Variants in SDS observed in about 807,000 individuals in gnomAD.
SDS encodes serine dehydratase, also known as L-serine dehydratase/L-threonine deaminase.
In SDS, 19 loss-of-function variants were observed where a neutral mutation model predicts 29.3. The observed-to-expected ratio is 0.65, with a 90% CI of 0.45 to 0.95. The LOEUF (loss-of-function observed/expected upper bound fraction) is 0.95, where lower values mean the gene tolerates loss of function less well. SDS is among the 40% of genes least tolerant of loss of function. The pLI, the probability that SDS is intolerant of heterozygous loss-of-function variation, is 0.00. For missense variants in SDS, 375 were observed against 439.9 expected, an observed-to-expected ratio of 0.85 and a Z score of 1.32; for synonymous variants, 176 against 189.0, an observed-to-expected ratio of 0.93 and a Z score of 0.56.
chr12:113,399,289 G>A, intron 2 of SDS, 138 bp from the exon 3 acceptor site: 1 of 973,362 alleles, frequency 1.0e-6, no homozygotes, highest in Non-Finnish European at 1.6e-6. Flanking sequence ...ACCCTTGTCT[G>A]AGACTGCACC....
chr12:113,402,415 C>T (rs1229267035), intron 1 of SDS, among the ~76,000 whole-genome samples: 1 of 152,144 alleles, frequency 6.6e-6, no homozygotes, highest in Non-Finnish European at 1.5e-5. Flanking sequence ...GCCTCAGCCT[C>T]CCAAGTAGCT....
Position 113,399,715 on chromosome 12 carries a change from G to A in SDS, c.-2-5C>T, listed in dbSNP as rs1159147882. The A allele has an allele frequency of 2.6e-6, 4 of 1,563,630 alleles. No individual in the cohort carries two copies. In the African/African-American group the frequency reaches 5.4e-5, roughly 21 times the overall value. On this transcript the variant is annotated splice_polypyrimidine_tract_variant and splice_region_variant and intron_variant, in intron 1 of 7. Coordinates refer to ENST00000257549, the MANE Select transcript of SDS (RefSeq NM_006843.3). ...GGGGTTCTCCAGACATCATTCCTGG[G>A]AGAAAGGAAGGAAACCCAGAGGGTT...
chr12:113,396,423 CT>C (rs1957644738), intron 6 of SDS, among the ~76,000 whole-genome samples: 1 of 144,790 alleles, frequency 6.9e-6, no homozygotes, highest in African/African-American at 2.6e-5. Context: ...CTTTCTTTCT[CT>C]CTTTCTTTCT....
chr12:113,398,043 G>T, intron 5 of SDS, among the ~76,000 whole-genome samples: 1 of 151,586 alleles, frequency 6.6e-6, no homozygotes. Context: ...CTGCACCTGG[G>T]TGTAACGTGT....
chr12:113,399,702 A>G lies in SDS; in HGVS notation c.7T>C (p.Ser3Pro), dbSNP rs1410267592. 6.3e-7 allele frequency: 1 copy of G among 1,580,924 alleles called. No homozygotes were observed. The highest frequency in any genetic ancestry group is 8.6e-7 in the Non-Finnish European group (1 of 1,164,668). The part of the protein sequence containing the change: MM[S>P]GEPLHVKTPI... ...GTCTTCACGTGCAGGGGTTCTCCAG[A>G]CATCATTCCTGGGAGAAAGGAAGGA... The change falls in exon 2 of 8, where the codon TCT becomes CCT. Residue 3 changes from serine to proline, a missense_variant. Coordinates refer to ENST00000257549, the MANE Select transcript of SDS (RefSeq NM_006843.3).
At chr12:113,396,544 C>CCCTTTCTTCCTT (rs1957647088) in intron 6 of SDS, 1 of 25,776 alleles carries the variant, frequency 3.9e-5, no homozygotes, top group Non-Finnish European at 6.6e-5. Context: ...CTCCCTCTCT[C>CCCTTTCTTCCTT]CCTTCCTTCC....
chr12:113,397,318 A>G lies in SDS; in HGVS notation c.500T>C (p.Val167Ala). ...WEKPGAIALS[V>A]GGGGLLCGVV... ...TCCACACAGCAGGCCCCCGCCGCCC[A>G]CTGACAGCGCGATGGCCCCCGGCTT... The change falls in exon 6 of 8, where the codon GTG (valine) becomes GCG (alanine). Residue 167 changes from valine to alanine, a missense_variant. Coordinates refer to ENST00000257549, the MANE Select transcript of SDS (RefSeq NM_006843.3). The G allele has an allele frequency of 6.2e-7, 1 of 1,613,996 alleles. No individual in the cohort carries two copies. Among genetic ancestry groups the G allele is most frequent in the Non-Finnish European group, 8.5e-7 (1 of 1,179,946 alleles).
In SDS at chr12:113,392,659, C is replaced by T. The variant is rs964846391; in HGVS notation, c.*282G>A. ...GTGATTCAGGTCTCTCCTGTCCACC[C>T]TGCTCTGGGTACCTGGTGTGTTACT... On this transcript the variant is annotated 3_prime_UTR_variant, in exon 8 of 8. Coordinates refer to ENST00000257549, the MANE Select transcript of SDS (RefSeq NM_006843.3). 7.1e-6 allele frequency: 3 copies of T among 423,664 alleles called. No homozygotes were observed. The highest frequency in any genetic ancestry group is 4.3e-5 in the Admixed American group (1 of 23,110). 26.2% of individuals were successfully genotyped at this position (423,664 alleles called of 1,614,324 possible).
At chr12:113,399,216 C>A in intron 2 of SDS, 65 bp from the exon 3 acceptor site, 2 of 1,536,070 alleles carry the variant, frequency 1.3e-6, no homozygotes, top group Non-Finnish European at 1.8e-6. Flanking sequence ...TCTTCCTCCC[C>A]ACCTGGAATA....
At chr12:113,399,245 G>A in intron 2 of SDS, 94 bp from the exon 3 acceptor site, 1 of 1,325,488 alleles carries the variant, frequency 7.5e-7, no homozygotes, top group African/African-American at 1.4e-5. Context: ...GATTCCAGTG[G>A]ACACGGACGT....
intron 5 of SDS, 148 bp from the exon 6 acceptor site, chr12:113,397,540 T>C (rs1056053996): frequency 1.5e-6 from 1 of 670,722 alleles, no homozygotes; most frequent in Non-Finnish European, 2.5e-6. Flanking sequence ...CCAGCATCTG[T>C]GTCTCTGCCT....
intron 6 of SDS, among the ~76,000 whole-genome samples, chr12:113,395,246 T>A (rs1957637545): frequency 6.6e-6 from 1 of 152,060 alleles, no homozygotes; most frequent in South Asian, 2.1e-4. Context: ...AGCTGCCCCC[T>A]CTCCCTTCCC....
Position 113,402,871 on chromosome 12 carries a change from G to A in SDS, c.-3+897C>T, listed in dbSNP as rs761394210. On this transcript the variant is annotated intron_variant, in intron 1 of 7. Transcript: ENST00000257549. ...GACTTCAGAAGAGGTTGTGCCCGGG[G>A]AGGAGGAGGGAGGGAGCCCTGAAGC... Among the ~76,000 whole-genome samples the A allele has an allele frequency of 1.2e-4, 18 of 152,318 alleles. No homozygotes were observed. The South Asian group carries it at 2.9e-3, about 25-fold the overall frequency.
Position 113,392,902 on chromosome 12 carries a change from C to T in SDS, c.*39G>A, listed in dbSNP as rs758243330. 1 of 1,593,358 alleles carries T rather than the reference C, an allele frequency of 6.3e-7. No homozygotes were observed. On this transcript the variant is annotated 3_prime_UTR_variant, in exon 8 of 8. Transcript: ENST00000257549. The stretch of plus-strand genomic sequence containing the variant: ...AAAACTCCAGCCCCTCCAGGGGTCT[C>T]TTGGGCTAGGAGAGCACAGATCGGT...
Position 113,393,937 on chromosome 12 carries a change from C to G in SDS, c.733G>C (p.Val245Leu). 6.2e-7 allele frequency: 1 copy of G among 1,614,224 alleles called. No individual in the cohort carries two copies. The highest frequency in any genetic ancestry group is 1.7e-5 in the Admixed American group (1 of 60,024). ...GCCACAGCCTCCTGGTCCGAGATAA[C>G]TTCAGAGAAAATGGGGTGTTCCTGA... ...LFQEHPIFSE[V>L]ISDQEAVAAI... Residue 245 changes from valine (V) to leucine (L), a missense_variant, in exon 7 of 8, where the codon GTT becomes CTT. Physicochemically the swap from Val to Leu is conservative, Grantham distance 32. Coordinates refer to ENST00000257549, the MANE Select transcript of SDS (RefSeq NM_006843.3).
chr12:113,397,256 C>T lies in SDS; in HGVS notation c.562G>A (p.Val188Met), dbSNP rs770594760. Reference protein sequence around the residue: ...QGLQEVGWGDVPVIAMETFGA... With the variant: ...QGLQEVGWGDMPVIAMETFGA... The stretch of plus-strand genomic sequence containing the variant: ...AAAGTCTCCATGGCGATGACAGGCA[C>T]GTCCCCCCAGCCCACCTCCTGCAGC... Residue 188 changes from valine to methionine, a missense_variant, in exon 6 of 8, where the codon GTG becomes ATG. Coordinates refer to ENST00000257549, the MANE Select transcript of SDS (RefSeq NM_006843.3). 5.0e-6 allele frequency: 8 copies of T among 1,614,196 alleles called. No individual in the cohort carries two copies. The highest frequency in any genetic ancestry group is 2.2e-5 in the East Asian group (1 of 44,890).
Position 113,398,699 on chromosome 12 carries a change from G to T in SDS, c.333+8C>A, listed in dbSNP as rs1957664481. On this transcript the variant is annotated splice_region_variant and intron_variant, in intron 4 of 7. Coordinates refer to ENST00000257549, the MANE Select transcript of SDS (RefSeq NM_006843.3). Reference sequence around the variant, plus strand: ...CCTCTCTCTTCCTTGCCCTGGGTCGGCACTCACCTCACCCACCACCTTGAC... The same window carrying T: ...CCTCTCTCTTCCTTGCCCTGGGTCGTCACTCACCTCACCCACCACCTTGAC... 1 of 1,613,738 alleles carries T rather than the reference G, an allele frequency of 6.2e-7. No individual in the cohort carries two copies. Among genetic ancestry groups the T allele is most frequent in the Non-Finnish European group, 8.5e-7 (1 of 1,179,732 alleles).
chr12:113,401,432 A>C (rs566306499), intron 1 of SDS, among the ~76,000 whole-genome samples: 1 of 151,956 alleles, frequency 6.6e-6, no homozygotes, highest in Non-Finnish European at 1.5e-5. Context: ...GGGTTTTGCT[A>C]TGTTGGCCAG....
In SDS at chr12:113,398,857, C is replaced by A. The variant is rs774871443; in HGVS notation, c.194-11G>T. 4.4e-6 allele frequency: 7 copies of A among 1,593,600 alleles called. No individual in the cohort carries two copies. In the Admixed American group the frequency reaches 7.1e-5, roughly 16 times the overall value. ...TGCCTGCGTTGCCCGCTGCCAGGGT[C>A]GGGGGTGGAGAGCGTGTCAGTGCGG... On this transcript the variant is annotated splice_polypyrimidine_tract_variant and intron_variant, in intron 3 of 7. Transcript: ENST00000257549.
Sources: gnomAD v4.1 joint callset for allele counts (sites outside exome capture counted in the v4.1 genomes callset) on GRCh38, gnomAD v4.1.1 for gene constraint, MANE v1.5 for transcripts, NCBI Gene and HGNC (gene_info 2026-07-23, HGNC 2026-07-21) for gene names.